MECOM: variants seen among roughly 807,000 people sequenced by gnomAD.
MECOM encodes histone-lysine N-methyltransferase MECOM.
In MECOM, 13 loss-of-function variants were observed where a neutral mutation model predicts 116.3. The observed-to-expected ratio is 0.11, with a 90% CI of 0.07 to 0.18. The LOEUF is 0.18. Ranked by LOEUF, MECOM falls within the 10% of genes least tolerant of loss-of-function variation. MECOM has a pLI of 1.00. For synonymous variants in MECOM, 528 were observed against 535.2 expected (o/e 0.99, Z 0.19); for missense variants, 1,299 against 1,509.0 (o/e 0.86, Z 2.31).
intron 1 of MECOM, among the ~76,000 whole-genome samples, chr3:169,599,618 T>C (rs1173160401): frequency 1.3e-5 from 2 of 152,048 alleles, no homozygotes; most frequent in African/African-American, 4.8e-5. Context: ...GTTCCCAATA[T>C]AAGCTTTGTG....
At chr3:169,351,048 A>G (rs1726234858) in intron 2 of MECOM, among the ~76,000 whole-genome samples, 1 of 151,912 alleles carries the variant, frequency 6.6e-6, no homozygotes, top group Non-Finnish European at 1.5e-5. Flanking sequence ...TTTCTCATCT[A>G]ACTAATCCGA....
At chr3:169,261,245 T>G (rs1757496124) in intron 2 of MECOM, among the ~76,000 whole-genome samples, 1 of 152,254 alleles carries the variant, frequency 6.6e-6, no homozygotes, top group Non-Finnish European at 1.5e-5. Flanking sequence ...TACATCTAAA[T>G]TATTTTTCTT....
intron 2 of MECOM, among the ~76,000 whole-genome samples, chr3:169,208,536 C>T (rs1750263536): frequency 6.6e-6 from 1 of 151,534 alleles, no homozygotes; most frequent in Non-Finnish European, 1.5e-5. Flanking sequence ...TTATAGATAT[C>T]CAAAACTAGT....
At chr3:169,374,838 G>A (rs1289237200) in intron 2 of MECOM, among the ~76,000 whole-genome samples, 2 of 151,918 alleles carry the variant, frequency 1.3e-5, no homozygotes, top group Admixed American at 1.3e-4. Flanking sequence ...TTTGAGACCA[G>A]CCTGGGCAAC....
chr3:169,374,053 G>A (rs901958839), intron 2 of MECOM, among the ~76,000 whole-genome samples: 2 of 151,726 alleles, frequency 1.3e-5, no homozygotes, highest in South Asian at 4.2e-4. Context: ...GGTTAAATAA[G>A]TTCACAAGAG....
At chr3:169,568,240 C>T (rs1051683166) in intron 1 of MECOM, among the ~76,000 whole-genome samples, 1 of 152,190 alleles carries the variant, frequency 6.6e-6, no homozygotes, top group African/African-American at 2.4e-5. Flanking sequence ...CAGGAGATTC[C>T]CTCAGGTGCC....
intron 2 of MECOM, among the ~76,000 whole-genome samples, chr3:169,174,805 G>T (rs987600597): frequency 6.6e-6 from 1 of 152,072 alleles, no homozygotes; most frequent in African/African-American, 2.4e-5. Flanking sequence ...AGAATATTCT[G>T]CTTCCTAGGG....
chr3:169,266,889 GA>G (rs1015760408), intron 2 of MECOM, among the ~76,000 whole-genome samples: 1 of 150,670 alleles, frequency 6.6e-6, no homozygotes, highest in African/African-American at 2.4e-5. Context: ...GAGAGAGAAG[GA>G]AAAAAGGAAG....
At chr3:169,588,029 T>G (rs1444060742) in intron 1 of MECOM, among the ~76,000 whole-genome samples, 1 of 152,184 alleles carries the variant, frequency 6.6e-6, no homozygotes, top group Non-Finnish European at 1.5e-5. Flanking sequence ...GTTTACCATA[T>G]TGTCATCAGA....
At chr3:169,340,905 A>C (rs1011343310) in intron 2 of MECOM, among the ~76,000 whole-genome samples, 2 of 152,220 alleles carry the variant, frequency 1.3e-5, no homozygotes, top group Non-Finnish European at 2.9e-5. Flanking sequence ...GGAAATAGAT[A>C]TGAGCTGTGT....
At chr3:169,654,457 T>C (rs1020193255) in intron 1 of MECOM, among the ~76,000 whole-genome samples, 1 of 152,206 alleles carries the variant, frequency 6.6e-6, no homozygotes, top group Non-Finnish European at 1.5e-5. Flanking sequence ...GTTACAGATG[T>C]ACAGGACATT....
intron 1 of MECOM, among the ~76,000 whole-genome samples, chr3:169,460,088 C>T (rs35239788): frequency 0.37 from 56,437 of 150,988 alleles, 11,054 homozygotes; most frequent in Middle Eastern, 0.47. Flanking sequence ...ACAAAAGGAG[C>T]AGAAAAGCTG....
At position 169,110,976 on chromosome 3, in the gene MECOM, A is replaced by G. The variant is rs527411491; in HGVS notation, c.2577+1811T>C. Among the ~76,000 whole-genome samples, 6 of 152,296 alleles carry G rather than the reference A, an allele frequency of 3.9e-5. No individual in the cohort carries two copies. The East Asian group carries it at 1.2e-3, about 29-fold the overall frequency. ...AACTTTGGGAATGTTAAAATATAAC[A>G]TATTTGCTCTCTTATGATTTTATTT... On this transcript the variant is annotated intron_variant, in intron 9 of 16. Coordinates refer to ENST00000651503, the MANE Select transcript of MECOM (RefSeq NM_004991.4).
chr3:169,460,097 TGGGAAC>T (rs2108730896), intron 1 of MECOM, among the ~76,000 whole-genome samples: 1 of 152,200 alleles, frequency 6.6e-6, no homozygotes, highest in Non-Finnish European at 1.5e-5. Context: ...GCAGAAAAGC[TGGGAAC>T]CAGGCCTGGG....
intron 2 of MECOM, among the ~76,000 whole-genome samples, chr3:169,170,581 T>G (rs1559947241): frequency 6.6e-6 from 1 of 152,090 alleles, no homozygotes; most frequent in Non-Finnish European, 1.5e-5. Context: ...ATATTTTTTT[T>G]CCATTCAACA....
chr3:169,335,911 CAG>C (rs1234652111), intron 2 of MECOM, among the ~76,000 whole-genome samples: 1 of 151,954 alleles, frequency 6.6e-6, no homozygotes, highest in Non-Finnish European at 1.5e-5. Flanking sequence ...CATTTAGAAA[CAG>C]AAAAATTAGT....
intron 1 of MECOM, among the ~76,000 whole-genome samples, chr3:169,489,339 T>C (rs1578247094): frequency 6.6e-6 from 1 of 152,164 alleles, no homozygotes; most frequent in Non-Finnish European, 1.5e-5. Flanking sequence ...ATAGAGAAAG[T>C]GACAAGTCAA....
intron 1 of MECOM, among the ~76,000 whole-genome samples, chr3:169,478,026 G>C (rs1750750065): frequency 1.3e-5 from 2 of 152,178 alleles, no homozygotes; most frequent in Admixed American, 6.5e-5. Context: ...ATTTGTCAGG[G>C]AGGTCAACGG....
chr3:169,437,903 C>T (rs1201635782), intron 1 of MECOM, among the ~76,000 whole-genome samples: 1 of 152,204 alleles, frequency 6.6e-6, no homozygotes, highest in African/African-American at 2.4e-5. Flanking sequence ...ATAAAAATCT[C>T]ATCCTCCTAA....
Sources: allele counts gnomAD v4.1 joint callset (sites outside exome capture counted in the v4.1 genomes callset), GRCh38; gene constraint gnomAD v4.1.1; transcripts MANE v1.5; gene names NCBI Gene and HGNC (gene_info 2026-07-23, HGNC 2026-07-21).